The following GCA variants were observed in gnomAD, a reference collection of about 807,000 sequenced individuals.
GCA encodes the protein grancalcin, also known as grancalcin, EF-hand calcium-binding protein.
A neutral mutation model predicts 32.6 loss-of-function variants in GCA; 30 were observed. That is an observed-to-expected ratio of 0.92 (90% CI 0.69 to 1.25). The LOEUF is 1.25. Ranked by LOEUF, GCA falls within the 50% of genes most tolerant of loss-of-function variation. GCA has a pLI of 0.00. For synonymous variants in GCA, 102 were observed against 84.6 expected (o/e 1.21, Z -1.13); for missense variants, 291 against 266.8 (o/e 1.09, Z -0.63).
Position 162,362,514 on chromosome 2 carries a change from T to C in GCA, c.*2271T>C, listed in dbSNP as rs1366056143. 1 of 968,572 alleles carries C rather than the reference T, an allele frequency of 1.0e-6. No homozygotes were observed. The highest frequency in any genetic ancestry group is 4.8e-5 in the South Asian group (1 of 20,928). The allele number at this position is 968,572 out of a possible 1,614,324, so 60.0% of individuals were successfully genotyped here. On this transcript the variant is annotated 3_prime_UTR_variant, in exon 8 of 8. Coordinates refer to ENST00000437150, the MANE Select transcript of GCA (RefSeq NM_012198.5). Reference sequence around the variant, plus strand: ...TGGTTAACTTACACCCCAGTTCTTTTACGATGATGTAAATTATTGAATAAT... The same window carrying C: ...TGGTTAACTTACACCCCAGTTCTTTCACGATGATGTAAATTATTGAATAAT...
chr2:162,327,782 A>G (rs1386715546), intron 1 of GCA, among the ~76,000 whole-genome samples: 1 of 152,234 alleles, frequency 6.6e-6, no homozygotes, highest in Admixed American at 6.5e-5. Flanking sequence ...GCTGGGCCAA[A>G]TACTCATTTT....
chr2:162,354,410 T>G (rs1488911527), intron 3 of GCA, among the ~76,000 whole-genome samples: 2 of 152,214 alleles, frequency 1.3e-5, no homozygotes, highest in Non-Finnish European at 2.9e-5. Flanking sequence ...TTAATTGCCT[T>G]GCTTTTAGAA....
chr2:162,344,493 C>T (rs1011043723), intron 1 of GCA: 2 of 579,758 alleles, frequency 3.4e-6, no homozygotes, highest in Non-Finnish European at 6.2e-6. Context: ...TGAGGACCCT[C>T]GAGGAGCGTC....
intron 4 of GCA, 62 bp downstream of exon 4, chr2:162,356,543 C>A: frequency 1.9e-6 from 2 of 1,071,240 alleles, no homozygotes; most frequent in Non-Finnish European, 2.9e-6. Flanking sequence ...GACTATCAAG[C>A]CAGTGGTTAG....
Position 162,361,487 on chromosome 2 carries a change from T to C in GCA, c.*1244T>C, listed in dbSNP as rs1223160662. The C allele has an allele frequency of 5.1e-6, 5 of 974,074 alleles. No individual in the cohort carries two copies. Among genetic ancestry groups the C allele is most frequent in the Non-Finnish European group, 6.1e-6 (5 of 819,976 alleles). 60.3% of individuals were successfully genotyped at this position (974,074 alleles called of 1,614,324 possible). A position where few individuals can be genotyped will look rare whatever the true frequency, so the allele number is the denominator to read the frequency against. On this transcript the variant is annotated 3_prime_UTR_variant, in exon 8 of 8. Coordinates refer to ENST00000437150, the MANE Select transcript of GCA (RefSeq NM_012198.5). Reference sequence around the variant, plus strand: ...ATTTTATGACTGCTGACCAAATTAATTTATAGATTTTATAAAATCCCATGT... The same window carrying C: ...ATTTTATGACTGCTGACCAAATTAACTTATAGATTTTATAAAATCCCATGT...
Position 162,361,327 on chromosome 2 carries a change from T to A in GCA, c.*1084T>A. 1.0e-6 allele frequency: 1 copy of A among 983,608 alleles called. No homozygotes were observed. Among genetic ancestry groups the A allele is most frequent in the Non-Finnish European group, 1.2e-6 (1 of 828,446 alleles). 60.9% of individuals were successfully genotyped at this position (983,608 alleles called of 1,614,324 possible). A position where few individuals can be genotyped will look rare whatever the true frequency, so the allele number is the denominator to read the frequency against. ...CCAGATCTTTAGTGTTTAATATCCC[T>A]GGTATAAGATGTTATAATTAATGTA... is the stretch of plus-strand genomic sequence containing the variant. On this transcript the variant is annotated 3_prime_UTR_variant, in exon 8 of 8. Coordinates refer to ENST00000437150, the MANE Select transcript of GCA (RefSeq NM_012198.5).
chr2:162,357,523 A>T (rs1685342282), intron 5 of GCA, among the ~76,000 whole-genome samples: 1 of 151,788 alleles, frequency 6.6e-6, no homozygotes, highest in Non-Finnish European at 1.5e-5. Context: ...CTTGTGATTT[A>T]CACTCTTCTA....
At chr2:162,324,708 T>A (rs972564657) in intron 1 of GCA, among the ~76,000 whole-genome samples, 17 of 152,180 alleles carry the variant, frequency 1.1e-4, no homozygotes, top group African/African-American at 4.1e-4. Context: ...CACACCCTCC[T>A]CTACCCAGCA....
intron 1 of GCA, among the ~76,000 whole-genome samples, chr2:162,324,083 C>T (rs113063022): frequency 6.6e-6 from 1 of 152,014 alleles, no homozygotes; most frequent in African/African-American, 2.4e-5. Context: ...TGTGGGGCTC[C>T]GACCCACGGC....
upstream of GCA, among the ~76,000 whole-genome samples, chr2:162,342,307 T>C (rs145073008): frequency 1.3e-3 from 197 of 152,324 alleles, 1 homozygote; most frequent in African/African-American, 4.4e-3. Flanking sequence ...GGATCTGATA[T>C]TTTACCCTAG....
Position 162,362,677 on chromosome 2 carries a change from T to G in GCA, c.*2434T>G, listed in dbSNP as rs1685627541. On this transcript the variant is annotated 3_prime_UTR_variant, in exon 8 of 8. Coordinates refer to ENST00000437150, the MANE Select transcript of GCA (RefSeq NM_012198.5). ...ACAAAATCTGTTACATATATATATA[T>G]TATGAGATGCTTCAGTTCAAATAAC... is the stretch of plus-strand genomic sequence containing the variant. The G allele has an allele frequency of 1.9e-6, 1 of 530,018 alleles. No individual in the cohort carries two copies. Among genetic ancestry groups the G allele is most frequent in the African/African-American group, 2.1e-5 (1 of 48,414 alleles). 32.8% of individuals were successfully genotyped at this position (530,018 alleles called of 1,614,324 possible). A position where few individuals can be genotyped will look rare whatever the true frequency, so the allele number is the denominator to read the frequency against.
Position 162,361,159 on chromosome 2 carries a change from A to AT in GCA, c.*918dup. On this transcript the variant is annotated 3_prime_UTR_variant, in exon 8 of 8. Transcript: ENST00000437150. Reference sequence around the variant, plus strand: ...TTTTACATTTGACTTATTTGACAACATTAACATTAGTGGTGGCTTTGCCAT... The same window carrying AT: ...TTTTACATTTGACTTATTTGACAACATTTAACATTAGTGGTGGCTTTGCCAT... The AT allele has an allele frequency of 1.0e-6, 1 of 984,396 alleles. No homozygotes were observed. The highest frequency in any genetic ancestry group is 1.2e-6 in the Non-Finnish European group (1 of 828,816). 61.0% of individuals were successfully genotyped at this position (984,396 alleles called of 1,614,324 possible). A position where few individuals can be genotyped will look rare whatever the true frequency, so the allele number is the denominator to read the frequency against.
intron 4 of GCA, among the ~76,000 whole-genome samples, chr2:162,369,174 GTT>G (rs1188462613): frequency 6.6e-6 from 1 of 152,052 alleles, no homozygotes; most frequent in Admixed American, 6.6e-5. Flanking sequence ...AGGTCAGACT[GTT>G]TTTGCAATAG....
downstream of GCA, among the ~76,000 whole-genome samples, chr2:162,363,789 T>A (rs1685668886): frequency 6.6e-6 from 1 of 151,530 alleles, no homozygotes; most frequent in Non-Finnish European, 1.5e-5. Flanking sequence ...GAGTCTTATA[T>A]ACTTAGCATT....
chr2:162,371,890 C>T, downstream of GCA: 6 of 1,613,760 alleles, frequency 3.7e-6, no homozygotes, highest in South Asian at 5.5e-5. Context: ...TCCTACAGTG[C>T]TTAGGGATGA....
At chr2:162,363,273 G>T (rs1360882479), downstream of GCA, among the ~76,000 whole-genome samples, 1 of 151,184 alleles carries the variant, frequency 6.6e-6, no homozygotes, top group Non-Finnish European at 1.5e-5. Flanking sequence ...TTTCAGGCAG[G>T]CATATTCTGT....
At chr2:162,342,257 CT>C (rs1246535307), upstream of GCA, among the ~76,000 whole-genome samples, 2 of 152,152 alleles carry the variant, frequency 1.3e-5, no homozygotes, top group Non-Finnish European at 2.9e-5. Flanking sequence ...TTTGGTAGCC[CT>C]TTCTCTAAGT....
chr2:162,325,507 C>T lies in GCA; in HGVS notation c.-31+6282C>T, dbSNP rs1159437308. Among the ~76,000 whole-genome samples, 4 of 152,154 alleles carry T rather than the reference C, an allele frequency of 2.6e-5. No homozygotes were observed. The East Asian group carries it at 5.8e-4, about 22-fold the overall frequency. ...ATAGAGAGGTGTGTTTTATCAAGGC[C>T]TCTCCAGGAAGGCAGTGGGATTTTC... is the stretch of plus-strand genomic sequence containing the variant. On this transcript the variant is annotated intron_variant, in intron 1 of 4. Coordinates refer to the GCA transcript ENST00000429691.
At chr2:162,349,280 G>T (rs1684866141) in intron 2 of GCA, among the ~76,000 whole-genome samples, 2 of 151,910 alleles carry the variant, frequency 1.3e-5, no homozygotes, top group East Asian at 3.9e-4. Context: ...TCTTCAGCCT[G>T]TACCATATAG....
Sources: gnomAD v4.1 joint callset for allele counts (sites outside exome capture counted in the v4.1 genomes callset) on GRCh38, gnomAD v4.1.1 for gene constraint, MANE v1.5 for transcripts, NCBI Gene and HGNC (gene_info 2026-07-23, HGNC 2026-07-21) for gene names.